The following CMTM4 variants were observed in gnomAD, a reference collection of about 807,000 sequenced individuals.
CMTM4 encodes CKLF-like MARVEL transmembrane domain-containing protein 4.
In CMTM4, 8 loss-of-function variants were observed where a neutral mutation model predicts 19.0. That is an observed-to-expected ratio of 0.42 (90% CI 0.25 to 0.76). CMTM4 has a LOEUF of 0.76. Ranked by LOEUF, CMTM4 falls within the 30% of genes least tolerant of loss-of-function variation. The probability of loss-of-function intolerance (pLI) is 0.27; values close to 1 mark genes in which losing one functional copy is unlikely to be tolerated. For missense variants in CMTM4, 228 were observed against 290.2 expected, an observed-to-expected ratio of 0.79 and a Z score of 1.56; for synonymous variants, 106 against 121.1, an observed-to-expected ratio of 0.88 and a Z score of 0.82.
chr16:66,654,612 C>T (rs987848251), intron 1 of CMTM4, among the ~76,000 whole-genome samples: 3 of 152,186 alleles, frequency 2.0e-5, no homozygotes, highest in African/African-American at 7.2e-5. Flanking sequence ...TAGCATAGCC[C>T]GTCGCACAGT....
the CMTM4 span, chr16:66,604,964 G>A: frequency 4.0e-6 from 6 of 1,488,810 alleles, no homozygotes; most frequent in African/African-American, 1.5e-5. Flanking sequence ...TGAGTGCGGC[G>A]GGACCCTCGG....
chr16:66,660,550 G>A (rs1333952059), intron 1 of CMTM4, among the ~76,000 whole-genome samples: 2 of 152,166 alleles, frequency 1.3e-5, no homozygotes, highest in Non-Finnish European at 2.9e-5. Context: ...TATGCACACA[G>A]ACATATGTGA....
the CMTM4 span, among the ~76,000 whole-genome samples, chr16:66,601,133 GT>G: frequency 1.3e-5 from 2 of 149,184 alleles, no homozygotes; most frequent in Admixed American, 6.7e-5. Flanking sequence ...GTGTGTGTGT[GT>G]TTATCTTTGT....
chr16:66,629,814 G>GA (rs1304029190), intron 2 of CMTM4, among the ~76,000 whole-genome samples: 4 of 152,124 alleles, frequency 2.6e-5, no homozygotes, highest in East Asian at 1.9e-4. Flanking sequence ...GAAATCTCCA[G>GA]AAAAAATACC....
At chr16:66,687,448 T>C (rs2017054136) in intron 1 of CMTM4, among the ~76,000 whole-genome samples, 3 of 152,094 alleles carry the variant, frequency 2.0e-5, no homozygotes, top group Admixed American at 6.6e-5. Flanking sequence ...AGAGGATCGC[T>C]TGAGCCCAGG....
At chr16:66,612,549 C>A (rs377148414), downstream of CMTM4, 1 of 1,577,432 alleles carries the variant, frequency 6.3e-7, no homozygotes. The surrounding 1 kb of genome is among the most constrained non-coding windows in gnomAD (Gnocchi z 6.0). Flanking sequence ...CCCCAGAGAC[C>A]GTTCCCAGGC....
the CMTM4 span, chr16:66,604,126 TGCGCGCGC>T: frequency 0.12 from 18,897 of 152,058 alleles, 1,420 homozygotes; most frequent in African/African-American, 0.21. Context: ...TGTGTGTGTT[TGCGCGCGC>T]GCGCGCGTGT....
intron 1 of CMTM4, among the ~76,000 whole-genome samples, chr16:66,687,682 ATTTTTTTTTTTTT>A (rs1176777153): frequency 1.1e-5 from 1 of 93,296 alleles, no homozygotes; most frequent in Admixed American, 1.1e-4. Context: ...AAAAAGGGTA[ATTTTTTTTTTTTT>A]TTTTTTTTTT....
intron 1 of CMTM4, among the ~76,000 whole-genome samples, chr16:66,653,605 C>T (rs1374212437): frequency 6.6e-6 from 1 of 152,198 alleles, no homozygotes; most frequent in Non-Finnish European, 1.5e-5. Flanking sequence ...GACACTGTGG[C>T]CTTCCTTAAA....
intron 1 of CMTM4, among the ~76,000 whole-genome samples, chr16:66,693,994 C>G (rs1189133724): frequency 2.0e-5 from 3 of 151,194 alleles, no homozygotes; most frequent in Admixed American, 1.3e-4. Flanking sequence ...TGCACTCCAG[C>G]CTGGGTAACA....
intron 1 of CMTM4, among the ~76,000 whole-genome samples, chr16:66,653,457 T>A (rs1365609045): frequency 2.0e-5 from 3 of 151,972 alleles, no homozygotes; most frequent in Non-Finnish European, 4.4e-5. Context: ...GAGCTAAGGG[T>A]TAGCAGTACA....
At chr16:66,644,311 G>A (rs956635058) in intron 1 of CMTM4, among the ~76,000 whole-genome samples, 11 of 152,158 alleles carry the variant, frequency 7.2e-5, no homozygotes, top group African/African-American at 1.9e-4. Context: ...GACGTTGCTC[G>A]AAACAATGTA....
At chr16:66,674,460 AGCG>A (rs1426661203) in intron 1 of CMTM4, among the ~76,000 whole-genome samples, 1 of 152,172 alleles carries the variant, frequency 6.6e-6, no homozygotes, top group Non-Finnish European at 1.5e-5. Context: ...GGACAACTAC[AGCG>A]GAAATTCTAA....
At chr16:66,670,439 C>CAAA (rs35296025) in intron 1 of CMTM4, among the ~76,000 whole-genome samples, 41 of 91,364 alleles carry the variant, frequency 4.5e-4, no homozygotes, top group African/African-American at 1.6e-3. Flanking sequence ...GACTCTGTCT[C>CAAA]AAAAAAAAAA....
At chr16:66,639,246 C>T (rs1263708693) in intron 1 of CMTM4, among the ~76,000 whole-genome samples, 1 of 152,140 alleles carries the variant, frequency 6.6e-6, no homozygotes, top group African/African-American at 2.4e-5. Flanking sequence ...GTAATCAGAT[C>T]TAGTAATCTT....
intron 1 of CMTM4, among the ~76,000 whole-genome samples, chr16:66,646,544 C>G (rs1296733355): frequency 1.3e-5 from 2 of 151,778 alleles, no homozygotes; most frequent in African/African-American, 4.8e-5. Flanking sequence ...TCATTGAGCC[C>G]GCTTTCATGT....
chr16:66,643,784 G>A (rs891110674), intron 1 of CMTM4, among the ~76,000 whole-genome samples: 3 of 152,010 alleles, frequency 2.0e-5, no homozygotes, highest in East Asian at 3.9e-4. Flanking sequence ...ATGGAGTTTC[G>A]CTCTTGCAGC....
At chr16:66,626,543 T>C (rs1002842425) in intron 2 of CMTM4, among the ~76,000 whole-genome samples, 3 of 152,068 alleles carry the variant, frequency 2.0e-5, no homozygotes, top group Admixed American at 1.3e-4. Flanking sequence ...GGGGCGGAGA[T>C]TGCAATGAGC....
intron 2 of CMTM4, among the ~76,000 whole-genome samples, chr16:66,628,672 T>C (rs2015792319): frequency 6.6e-6 from 1 of 152,220 alleles, no homozygotes; most frequent in African/African-American, 2.4e-5. Flanking sequence ...AAAAATGGAA[T>C]TTCTTATGTC....
Sources: gnomAD v4.1 joint callset for allele counts (sites outside exome capture counted in the v4.1 genomes callset) on GRCh38, gnomAD v4.1.1 for gene constraint, Gnocchi (gnomAD v3.1) non-coding constraint, MANE v1.5 for transcripts, NCBI Gene and HGNC (gene_info 2026-07-23, HGNC 2026-07-21) for gene names.